Variants in PKIA observed in about 807,000 individuals in gnomAD.
PKIA encodes the protein cAMP-dependent protein kinase inhibitor alpha, also known as PKI-alpha.
PKIA carries 4 observed loss-of-function variants against 7.6 expected under a neutral mutation model. The observed-to-expected ratio is 0.52, with a 90% CI of 0.26 to 1.20. The LOEUF (loss-of-function observed/expected upper bound fraction) is 1.20. Ranked by LOEUF, PKIA falls within the 50% of genes most tolerant of loss-of-function variation. The pLI, the probability that PKIA is intolerant of heterozygous loss-of-function variation, is 0.13. For synonymous variants in PKIA, 21 were observed against 30.7 expected (o/e 0.68, Z 1.04); for missense variants, 73 against 86.2 (o/e 0.85, Z 0.61).
intron 1 of PKIA, among the ~76,000 whole-genome samples, chr8:78,539,217 G>A (rs1227317882): frequency 6.6e-6 from 1 of 152,070 alleles, no homozygotes; most frequent in Non-Finnish European, 1.5e-5. Context: ...AAAGTGGTAT[G>A]TGATAAGAGA....
intron 1 of PKIA, among the ~76,000 whole-genome samples, chr8:78,536,156 A>T (rs1415096641): frequency 1.3e-5 from 2 of 152,118 alleles, no homozygotes; most frequent in African/African-American, 4.8e-5. Context: ...GTGGGGTATG[A>T]CCTGTATATT....
intron 2 of PKIA, among the ~76,000 whole-genome samples, chr8:78,574,810 T>C (rs1807635452): frequency 6.6e-6 from 1 of 152,032 alleles, no homozygotes; most frequent in African/African-American, 2.4e-5. Flanking sequence ...CCACACCTTA[T>C]TCTTTTCCTG....
At chr8:78,582,853 A>G (rs1165430016) in intron 2 of PKIA, among the ~76,000 whole-genome samples, 1 of 152,162 alleles carries the variant, frequency 6.6e-6, no homozygotes, top group Non-Finnish European at 1.5e-5. Flanking sequence ...GGTGACAATT[A>G]TATATCCAAA....
At chr8:78,591,729 AG>A (rs758685849) in intron 2 of PKIA, among the ~76,000 whole-genome samples, 16 of 152,186 alleles carry the variant, frequency 1.1e-4, no homozygotes, top group Admixed American at 4.6e-4. Context: ...GATACAAAAA[AG>A]TAACACCATA....
At chr8:78,577,728 T>C (rs1807708931) in intron 2 of PKIA, among the ~76,000 whole-genome samples, 1 of 152,048 alleles carries the variant, frequency 6.6e-6, no homozygotes, top group African/African-American at 2.4e-5. Context: ...TGATATGCTG[T>C]AATAGAATGA....
rs1808388105 is a variant in PKIA at position 78,602,978 on chromosome 8, GTTA to G, written c.*1162_*1164del. 6.6e-6 allele frequency: 1 copy of G among 152,188 alleles called. No homozygotes were observed. Among genetic ancestry groups the G allele is most frequent in the South Asian group, 2.1e-4 (1 of 4,836 alleles). The allele number at this position is 152,188 out of a possible 1,614,324, so 9.4% of individuals were successfully genotyped here. A position where few individuals can be genotyped will look rare whatever the true frequency, so the allele number is the denominator to read the frequency against. On this transcript the variant is annotated 3_prime_UTR_variant, in exon 4 of 4. Coordinates refer to ENST00000396418, the MANE Select transcript of PKIA (RefSeq NM_006823.4). ...TTTTTCAGCCCTCTCAGATCCAAATGTTATTATGCACTTTTTAATGTTTGTAAA... is the reference window on the plus strand; with the variant it reads ...TTTTTCAGCCCTCTCAGATCCAAATGTTATGCACTTTTTAATGTTTGTAAA...
intron 1 of PKIA, among the ~76,000 whole-genome samples, chr8:78,553,089 G>GAAAAAAAAA (rs200519145): frequency 8.2e-6 from 1 of 121,692 alleles, no homozygotes; most frequent in Non-Finnish European, 1.8e-5. Flanking sequence ...CCATTTGCAG[G>GAAAAAAAAA]AAAAAAAAAA....
At chr8:78,595,893 A>G (rs117992024) in intron 2 of PKIA, among the ~76,000 whole-genome samples, 6,929 of 152,260 alleles carry the variant, frequency 0.046, 248 homozygotes, top group Middle Eastern at 0.065. Flanking sequence ...TATACCCAGT[A>G]ATGTGATTGC....
intron 3 of PKIA, among the ~76,000 whole-genome samples, chr8:78,600,966 T>C (rs942574402): frequency 6.6e-6 from 1 of 152,112 alleles, no homozygotes; most frequent in Non-Finnish European, 1.5e-5. Flanking sequence ...TGCCAAGCCA[T>C]ACTGGCTGCC....
intron 1 of PKIA, among the ~76,000 whole-genome samples, chr8:78,536,624 A>G (rs565056706): frequency 1.3e-5 from 2 of 152,140 alleles, no homozygotes; most frequent in African/African-American, 2.4e-5. Flanking sequence ...AGAAGAAACA[A>G]TTGCATGAGA....
intron 1 of PKIA, among the ~76,000 whole-genome samples, chr8:78,521,440 G>C (rs1191828797): frequency 6.6e-6 from 1 of 151,932 alleles, no homozygotes. Context: ...AAAGGGACTG[G>C]TACTAGCAAG....
At chr8:78,566,861 A>G (rs1220148488) in intron 1 of PKIA, among the ~76,000 whole-genome samples, 1 of 152,144 alleles carries the variant, frequency 6.6e-6, no homozygotes, top group Non-Finnish European at 1.5e-5. Flanking sequence ...CCGAAAAGAC[A>G]TTTAGCATTT....
At chr8:78,593,809 G>A (rs1808162536) in intron 2 of PKIA, among the ~76,000 whole-genome samples, 1 of 152,162 alleles carries the variant, frequency 6.6e-6, no homozygotes, top group African/African-American at 2.4e-5. Context: ...TTAACTATGT[G>A]AATATGGGCA....
chr8:78,557,968 T>G (rs186960012), intron 1 of PKIA, among the ~76,000 whole-genome samples: 3 of 152,216 alleles, frequency 2.0e-5, no homozygotes, highest in African/African-American at 7.2e-5. Flanking sequence ...TAAATTAGAC[T>G]CTAAGATGTC....
At chr8:78,539,084 TGTGA>T (rs1806608359) in intron 1 of PKIA, among the ~76,000 whole-genome samples, 1 of 152,048 alleles carries the variant, frequency 6.6e-6, no homozygotes, top group Non-Finnish European at 1.5e-5. Flanking sequence ...GGAAATCAGC[TGTGA>T]GTAATTTGAG....
Position 78,601,810 on chromosome 8 carries a change from T to C in PKIA, c.220T>C (p.Ser74Pro). The C allele has an allele frequency of 6.2e-7, 1 of 1,611,740 alleles. No individual in the cohort carries two copies. Among genetic ancestry groups the C allele is most frequent in the African/African-American group, 1.3e-5 (1 of 74,900 alleles). Reference protein sequence around the residue: ...SGEAQGEAAKSES With the variant: ...SGEAQGEAAKPES The stretch of plus-strand genomic sequence containing the variant: ...GGAAGCCCAGGGAGAAGCAGCAAAA[T>C]CTGAAAGCTAACACCCCACTTTGAC... The change falls in exon 4 of 4, where the codon TCT becomes CCT. Residue 74 changes from serine to proline, a missense_variant. Ser to Pro is a moderately conservative substitution (Grantham distance 74). Transcript: ENST00000396418.
intron 1 of PKIA, among the ~76,000 whole-genome samples, chr8:78,521,638 A>T (rs1809419311): frequency 6.6e-6 from 1 of 152,060 alleles, no homozygotes. Context: ...TGTCTAAAAT[A>T]AGTAAAATGT....
chr8:78,574,187 C>G (rs1167108160), intron 2 of PKIA, among the ~76,000 whole-genome samples: 1 of 151,872 alleles, frequency 6.6e-6, no homozygotes, highest in Non-Finnish European at 1.5e-5. Flanking sequence ...ATGTTTAATG[C>G]ATATATACAT....
chr8:78,562,075 T>C (rs1807299156), intron 1 of PKIA, among the ~76,000 whole-genome samples: 1 of 152,174 alleles, frequency 6.6e-6, no homozygotes, highest in Admixed American at 6.6e-5. Context: ...ACCCTTTTTC[T>C]ACATAAAACC....
Sources: gnomAD v4.1 joint callset for allele counts (sites outside exome capture counted in the v4.1 genomes callset) on GRCh38, gnomAD v4.1.1 for gene constraint, MANE v1.5 for transcripts, NCBI Gene and HGNC (gene_info 2026-07-23, HGNC 2026-07-21) for gene names.